Variants in ARHGAP18 observed in about 807,000 individuals in gnomAD.
The protein encoded by ARHGAP18 is Rho GTPase activating protein 18, also known as rho GTPase-activating protein 18.
ARHGAP18 carries 67 observed loss-of-function variants against 86.2 expected under a neutral mutation model. That is an observed-to-expected ratio of 0.78 (90% confidence interval 0.64 to 0.95). The LOEUF (loss-of-function observed/expected upper bound fraction) is 0.95. ARHGAP18 is among the 40% of genes least tolerant of loss of function. The probability of loss-of-function intolerance (pLI) is 0.00; values close to 1 mark genes in which losing one functional copy is unlikely to be tolerated. For missense variants in ARHGAP18, 691 were observed against 780.4 expected (o/e 0.89, Z 1.37); for synonymous variants, 283 against 280.4 (o/e 1.01, Z -0.09).
At chr6:129,663,473 C>T (rs1001351550) in intron 1 of ARHGAP18, among the ~76,000 whole-genome samples, 2 of 152,106 alleles carry the variant, frequency 1.3e-5, no homozygotes, top group African/African-American at 4.8e-5. Flanking sequence ...TAAGTCCAGT[C>T]CTTAATTACT....
At chr6:129,649,520 C>T (rs1288771827) in intron 1 of ARHGAP18, among the ~76,000 whole-genome samples, 1 of 143,450 alleles carries the variant, frequency 7.0e-6, no homozygotes, top group Non-Finnish European at 1.5e-5. Context: ...TGCCACTGCA[C>T]TCCAGCCTGG....
chr6:129,688,566 G>T (rs1407635594), intron 1 of ARHGAP18, among the ~76,000 whole-genome samples: 2 of 152,192 alleles, frequency 1.3e-5, no homozygotes, highest in African/African-American at 4.8e-5. Flanking sequence ...GCCGAGGCGG[G>T]TGGATCACCT....
At chr6:129,643,048 T>A (rs543580236) in intron 1 of ARHGAP18, among the ~76,000 whole-genome samples, 1 of 152,188 alleles carries the variant, frequency 6.6e-6, no homozygotes, top group East Asian at 1.9e-4. Context: ...TTTTTTGTTA[T>A]AATTCATATC....
At chr6:129,599,429 A>T (rs1361203108) in intron 11 of ARHGAP18, 73 bp from the exon 12 acceptor site, 2 of 1,244,950 alleles carry the variant, frequency 1.6e-6, no homozygotes, top group Admixed American at 6.9e-5. Context: ...AAAAAATTAT[A>T]TTTTTTTAAA....
intron 1 of ARHGAP18, among the ~76,000 whole-genome samples, chr6:129,706,231 T>A (rs1177434620): frequency 3.3e-5 from 5 of 152,168 alleles, no homozygotes; most frequent in African/African-American, 1.2e-4. Flanking sequence ...AAAATTCTTT[T>A]CAAAACTAAA....
At chr6:129,700,318 T>C (rs1754626992) in intron 1 of ARHGAP18, among the ~76,000 whole-genome samples, 1 of 152,210 alleles carries the variant, frequency 6.6e-6, no homozygotes, top group Non-Finnish European at 1.5e-5. Context: ...CACTAGATGA[T>C]TTTCCATCTT....
At position 129,708,638 on chromosome 6, in the gene ARHGAP18, G is replaced by C. The variant is rs184627169; in HGVS notation, c.113+1386C>G. Reference sequence around the variant, plus strand: ...CAATCAAGATCCAAGATTCAGCTCAGGTCCTCAGGCCATTCAGCCTAAAGT... The same window carrying C: ...CAATCAAGATCCAAGATTCAGCTCACGTCCTCAGGCCATTCAGCCTAAAGT... On this transcript the variant is annotated intron_variant, in intron 1 of 14. Coordinates refer to ENST00000368149, the MANE Select transcript of ARHGAP18 (RefSeq NM_033515.3). Among the ~76,000 whole-genome samples, 68 of 152,304 alleles carry C rather than the reference G, an allele frequency of 4.5e-4. 2 individuals are homozygous for C. The East Asian group carries it at 0.012, about 28-fold the overall frequency.
chr6:129,626,491 A>C (rs988512092), intron 5 of ARHGAP18, among the ~76,000 whole-genome samples: 1 of 152,086 alleles, frequency 6.6e-6, no homozygotes, highest in Non-Finnish European at 1.5e-5. Flanking sequence ...CTTATAAGCC[A>C]AAATGAAATT....
intron 1 of ARHGAP18, among the ~76,000 whole-genome samples, chr6:129,687,300 A>C (rs12660691): frequency 0.17 from 25,850 of 152,094 alleles, 2,945 homozygotes; most frequent in African/African-American, 0.3. Context: ...AAATTACTGC[A>C]AATGCCAGAA....
At chr6:129,606,863 T>C (rs1320295978) in intron 9 of ARHGAP18, among the ~76,000 whole-genome samples, 1 of 144,736 alleles carries the variant, frequency 6.9e-6, no homozygotes, top group Non-Finnish European at 1.6e-5. Context: ...CCGCAATTTA[T>C]TCTTTTTTTT....
At chr6:129,671,936 A>C (rs1368252241) in intron 1 of ARHGAP18, among the ~76,000 whole-genome samples, 1 of 152,142 alleles carries the variant, frequency 6.6e-6, no homozygotes, top group Non-Finnish European at 1.5e-5. Flanking sequence ...TTTAGAGGGC[A>C]CTACTGAGAA....
At chr6:129,676,888 G>A (rs1314025122) in intron 1 of ARHGAP18, among the ~76,000 whole-genome samples, 3 of 123,850 alleles carry the variant, frequency 2.4e-5, no homozygotes, top group East Asian at 2.6e-4. Context: ...TGGTTTATCT[G>A]AAAACAGATG....
intron 1 of ARHGAP18, among the ~76,000 whole-genome samples, chr6:129,685,699 G>A (rs1774411341): frequency 6.6e-6 from 1 of 151,886 alleles, no homozygotes; most frequent in South Asian, 2.1e-4. Context: ...TAAATGTGCT[G>A]ATCACGGTGA....
chr6:129,615,744 C>T (rs138243794), intron 7 of ARHGAP18, among the ~76,000 whole-genome samples: 1 of 152,286 alleles, frequency 6.6e-6, no homozygotes, highest in African/African-American at 2.4e-5. Context: ...GTTGACTACA[C>T]AAGTGACTTA....
At position 129,576,136 on chromosome 6, in the gene ARHGAP18, A is replaced by T. The variant is rs978685418; in HGVS notation, c.*2377T>A. On this transcript the variant is annotated 3_prime_UTR_variant, in exon 15 of 15. Coordinates refer to ENST00000368149, the MANE Select transcript of ARHGAP18 (RefSeq NM_033515.3). ...CCTCCTTTAAGAATTCAAATGTTTTAAACTCAAGGCAAATATATTTATTTT... is the reference window on the plus strand; with the variant it reads ...CCTCCTTTAAGAATTCAAATGTTTTTAACTCAAGGCAAATATATTTATTTT... The T allele has an allele frequency of 6.6e-6, 1 of 152,232 alleles. No individual in the cohort carries two copies. The highest frequency in any genetic ancestry group is 2.4e-5 in the African/African-American group (1 of 41,448). 9.4% of individuals were successfully genotyped at this position (152,232 alleles called of 1,614,324 possible).
chr6:129,643,670 CAAG>C (rs1773516145), intron 1 of ARHGAP18, among the ~76,000 whole-genome samples: 1 of 152,194 alleles, frequency 6.6e-6, no homozygotes, highest in Non-Finnish European at 1.5e-5. Context: ...TTGCTTCTCT[CAAG>C]AAGGACTTCC....
rs1397835224 is a variant in ARHGAP18, at chr6:129,608,146, G to C, written c.1123-94C>G. On this transcript the variant is annotated intron_variant, in intron 8 of 14. Transcript: ENST00000368149. ...GAGTATGACACATTTTCACTTTCAA[G>C]AGACTCTGCTCTTTAGACAAGACAA... The C allele has an allele frequency of 2.2e-6, 3 of 1,375,072 alleles. No homozygotes were observed. The African/African-American group carries it at 4.6e-5, about 21-fold the overall frequency. 85.2% of individuals were successfully genotyped at this position (1,375,072 alleles called of 1,614,324 possible).
chr6:129,675,648 A>T (rs1291753125), intron 1 of ARHGAP18, among the ~76,000 whole-genome samples: 2 of 152,188 alleles, frequency 1.3e-5, no homozygotes, highest in Non-Finnish European at 2.9e-5. Flanking sequence ...CTTAGTATAA[A>T]TGGACCTAAG....
At position 129,580,106 on chromosome 6, in the gene ARHGAP18, C is replaced by T; in HGVS notation, c.1864G>A (p.Gly622Arg). Reference sequence around the variant, plus strand: ...CCAATTTCATACAAAAAAACTTCTCCTTTCTTGAGAGTCTGGGCAACCCCA... The same window carrying T: ...CCAATTTCATACAAAAAAACTTCTCTTTTCTTGAGAGTCTGGGCAACCCCA... ...ESGVAQTLKK[G>R]EVFLYEIGGN... Residue 622 changes from glycine (G) to arginine (R), a missense_variant, in exon 14 of 15, where the codon GGA becomes AGA. Coordinates refer to ENST00000368149, the MANE Select transcript of ARHGAP18 (RefSeq NM_033515.3). 1 of 1,613,728 alleles carries T rather than the reference C, an allele frequency of 6.2e-7. No individual in the cohort carries two copies. Among genetic ancestry groups the T allele is most frequent in the Non-Finnish European group, 8.5e-7 (1 of 1,179,786 alleles).
Sources: gnomAD v4.1 joint callset for allele counts (sites outside exome capture counted in the v4.1 genomes callset) on GRCh38, gnomAD v4.1.1 for gene constraint, MANE v1.5 for transcripts, NCBI Gene and HGNC (gene_info 2026-07-23, HGNC 2026-07-21) for gene names.